The following TRAF6 variants were observed in gnomAD, a reference collection of about 807,000 sequenced individuals.
TRAF6 encodes the protein TNF receptor-associated factor 6.
In TRAF6, 10 loss-of-function variants were observed where a neutral mutation model predicts 48.4. That is an observed-to-expected ratio of 0.21 (90% CI 0.13 to 0.35). The LOEUF (loss-of-function observed/expected upper bound fraction) is 0.35. Ranked by LOEUF, TRAF6 falls within the 10% of genes least tolerant of loss-of-function variation. The probability of loss-of-function intolerance (pLI) is 1.00; values close to 1 mark genes in which losing one functional copy is unlikely to be tolerated. For synonymous variants in TRAF6, 186 were observed against 219.6 expected (o/e 0.85, Z 1.35); for missense variants, 397 against 661.0 (o/e 0.60, Z 4.38).
rs1373452276 is a variant in TRAF6, at chr11:36,507,630, C to T, written c.-23+2418G>A. On this transcript the variant is annotated intron_variant, in intron 1 of 6. Coordinates refer to ENST00000526995, the MANE Select transcript of TRAF6 (RefSeq NM_004620.4). ...ATACACGCGCGTGTATATATGTATA[C>T]ATACACGCGCGTGTATATATGTATA... Among the ~76,000 whole-genome samples, 6 of 4,914 alleles carry T rather than the reference C, an allele frequency of 1.2e-3. 1 individual carries two copies. Among genetic ancestry groups the T allele is most frequent in the African/African-American group, 1.8e-3 (6 of 3,282 alleles). The allele number at this position is 4,914 out of a possible 152,430, so 3.2% of individuals were successfully genotyped here.
chr11:36,504,511 T>C (rs188373767), intron 1 of TRAF6, among the ~76,000 whole-genome samples: 27 of 152,312 alleles, frequency 1.8e-4, no homozygotes, highest in African/African-American at 6.3e-4. Flanking sequence ...CTTCTAATTC[T>C]AGTTCTCTTG....
At chr11:36,492,973 TG>T (rs905612996) in intron 5 of TRAF6, among the ~76,000 whole-genome samples, 1 of 152,214 alleles carries the variant, frequency 6.6e-6, no homozygotes, top group Non-Finnish European at 1.5e-5. Context: ...ACTCCCACTA[TG>T]GTCTAGGCCA....
intron 2 of TRAF6, among the ~76,000 whole-genome samples, chr11:36,499,051 T>C (rs1168353401): frequency 6.6e-6 from 1 of 152,222 alleles, no homozygotes; most frequent in Non-Finnish European, 1.5e-5. Context: ...ATAACATGTC[T>C]ATAATGCAAT....
At chr11:36,503,071 CA>C (rs1226865111) in intron 1 of TRAF6, among the ~76,000 whole-genome samples, 1 of 152,130 alleles carries the variant, frequency 6.6e-6, no homozygotes, top group Non-Finnish European at 1.5e-5. Context: ...GATCAGAACC[CA>C]CGTCTACCTG....
At chr11:36,501,906 C>G (rs1177317057) in intron 1 of TRAF6, 1 of 155,242 alleles carries the variant, frequency 6.4e-6, no homozygotes, top group Non-Finnish European at 1.4e-5. Flanking sequence ...TGTTTGTTTC[C>G]TGTGATTGAG....
intron 1 of TRAF6, among the ~76,000 whole-genome samples, chr11:36,506,143 A>C (rs555557872): frequency 6.6e-6 from 1 of 152,282 alleles, no homozygotes; most frequent in African/African-American, 2.4e-5. Flanking sequence ...TGTTAAAAAA[A>C]AAAAACAAAA....
At chr11:36,501,581 A>G in intron 1 of TRAF6, 44 bp from the exon 2 acceptor site, 1 of 1,390,010 alleles carries the variant, frequency 7.2e-7, no homozygotes, top group Non-Finnish European at 9.7e-7. Flanking sequence ...AGTAACACAC[A>G]CACTCACACC....
rs544850244 is a variant in TRAF6, at chr11:36,485,623, C to G, written c.*4215G>C. Among the ~76,000 whole-genome samples, 1 of 152,194 alleles carries G rather than the reference C, an allele frequency of 6.6e-6. No individual in the cohort carries two copies. The highest frequency in any genetic ancestry group is 2.1e-4 in the South Asian group (1 of 4,822). On this transcript the variant is annotated 3_prime_UTR_variant, in exon 7 of 7. Transcript: ENST00000526995. ...CTCATTTCCTAAAATGCTTTTCCCA[C>G]CTAGAATTATTTTTCAGGATTTTAT...
chr11:36,493,073 C>A (rs186351260), intron 5 of TRAF6, among the ~76,000 whole-genome samples: 295 of 152,296 alleles, frequency 1.9e-3, no homozygotes, highest in African/African-American at 6.9e-3. Flanking sequence ...TCATCTTTGA[C>A]CACCTTTCAA....
At chr11:36,498,363 G>T in intron 3 of TRAF6, 127 bp downstream of exon 3, 1 of 767,090 alleles carries the variant, frequency 1.3e-6, no homozygotes, top group Non-Finnish European at 2.0e-6. Context: ...CATTAATTCA[G>T]CAAGAATTTA....
intron 1 of TRAF6, among the ~76,000 whole-genome samples, chr11:36,508,699 T>G (rs1229790673): frequency 6.6e-6 from 1 of 152,208 alleles, no homozygotes; most frequent in Non-Finnish European, 1.5e-5. Flanking sequence ...TTTACCAGCT[T>G]CTTAAATTTC....
At chr11:36,503,080 C>T (rs1430187808) in intron 1 of TRAF6, among the ~76,000 whole-genome samples, 1 of 152,198 alleles carries the variant, frequency 6.6e-6, no homozygotes, top group South Asian at 2.1e-4. Context: ...CCACGTCTAC[C>T]TGACCTTGGA....
intron 4 of TRAF6, among the ~76,000 whole-genome samples, chr11:36,495,895 A>G (rs1273154748): frequency 6.6e-6 from 1 of 152,146 alleles, no homozygotes; most frequent in Admixed American, 6.5e-5. Flanking sequence ...TCCATCTCCA[A>G]AAAAATAAAG....
rs376367502 is a variant in TRAF6, at chr11:36,488,576, G to A, written c.*1262C>T. ...GGTCTCCCTGAGAACTAGATTCCAC[G>A]ATATTTTATATCTATATATAGGCCT... On this transcript the variant is annotated 3_prime_UTR_variant, in exon 7 of 7. Coordinates refer to ENST00000526995, the MANE Select transcript of TRAF6 (RefSeq NM_004620.4). 3.3e-5 allele frequency: 5 copies of A among 152,222 alleles called. No individual in the cohort carries two copies. Among genetic ancestry groups the A allele is most frequent in the African/African-American group, 9.7e-5 (4 of 41,394 alleles). 9.4% of individuals were successfully genotyped at this position (152,222 alleles called of 1,614,324 possible).
At chr11:36,507,877 T>G (rs1473758097) in intron 1 of TRAF6, among the ~76,000 whole-genome samples, 1 of 148,350 alleles carries the variant, frequency 6.7e-6, no homozygotes, top group Non-Finnish European at 1.5e-5. Flanking sequence ...TTTTTTTTTG[T>G]CAGGGTCCTG....
Position 36,485,745 on chromosome 11 carries a change from T to C in TRAF6, c.*4093A>G, listed in dbSNP as rs1859473929. Among the ~76,000 whole-genome samples the C allele has an allele frequency of 6.6e-6, 1 of 152,176 alleles. No homozygotes were observed. The highest frequency in any genetic ancestry group is 1.5e-5 in the Non-Finnish European group (1 of 68,038). On this transcript the variant is annotated 3_prime_UTR_variant, in exon 7 of 7. Coordinates refer to ENST00000526995, the MANE Select transcript of TRAF6 (RefSeq NM_004620.4). ...GCACCTCCTTGCCAAGTGTCCGTTTTTGACTGAAAGTGAAGGCTGTAATTG... is the reference window on the plus strand; with the variant it reads ...GCACCTCCTTGCCAAGTGTCCGTTTCTGACTGAAAGTGAAGGCTGTAATTG...
At chr11:36,503,988 T>C (rs1009168014) in intron 1 of TRAF6, among the ~76,000 whole-genome samples, 14 of 152,208 alleles carry the variant, frequency 9.2e-5, no homozygotes, top group Admixed American at 2.6e-4. Flanking sequence ...AAGTGTGCAA[T>C]AGCATTATGT....
In TRAF6 at chr11:36,489,743, T is replaced by C; in HGVS notation, c.*95A>G. 7.8e-7 allele frequency: 1 copy of C among 1,287,592 alleles called. No homozygotes were observed. Among genetic ancestry groups the C allele is most frequent in the Non-Finnish European group, 1.1e-6 (1 of 922,168 alleles). 79.8% of individuals were successfully genotyped at this position (1,287,592 alleles called of 1,614,324 possible). A position where few individuals can be genotyped will look rare whatever the true frequency, so the allele number is the denominator to read the frequency against. On this transcript the variant is annotated 3_prime_UTR_variant, in exon 7 of 7. Coordinates refer to ENST00000526995, the MANE Select transcript of TRAF6 (RefSeq NM_004620.4). ...AACACTCACTAGTAGATATTACATA[T>C]TTCCCGTGGCTTGTTTGTTTGCATG...
chr11:36,490,593 T>A lies in TRAF6; in HGVS notation c.814A>T (p.Met272Leu). 6.2e-7 allele frequency: 1 copy of A among 1,613,968 alleles called. No individual in the cohort carries two copies. The highest frequency in any genetic ancestry group is 8.5e-7 in the Non-Finnish European group (1 of 1,179,934). ...LQENTQSHMRMLAQAVHSLSV... is the reference protein window; with the variant it reads ...LQENTQSHMRLLAQAVHSLSV... Reference sequence around the variant, plus strand: ...AAACTATGAACAGCCTGGGCCAACATTCTCATGTGTGACTGGGTGTTCTCT... The same window carrying A: ...AAACTATGAACAGCCTGGGCCAACAATCTCATGTGTGACTGGGTGTTCTCT... The change falls in exon 7 of 7, where the codon ATG (methionine) becomes TTG (leucine). Residue 272 changes from methionine to leucine, a missense_variant. This residue lies in a region of TRAF6 where 245 missense variants were observed against 349.1 expected (regional missense o/e 0.70). Transcript: ENST00000526995. The surrounding 1 kb of genome is among the most constrained non-coding windows in gnomAD (Gnocchi z 6.4).
Sources: allele counts gnomAD v4.1 joint callset (sites outside exome capture counted in the v4.1 genomes callset), GRCh38; gene constraint gnomAD v4.1.1; regional missense constraint gnomAD v4.1.1; non-coding constraint Gnocchi (gnomAD v3.1); transcripts MANE v1.5; gene names NCBI Gene and HGNC (gene_info 2026-07-23, HGNC 2026-07-21).